SLC7A11: variants seen among roughly 807,000 people sequenced by gnomAD.
SLC7A11 encodes cystine/glutamate transporter.
SLC7A11 carries 35 observed loss-of-function variants against 54.5 expected under a neutral mutation model. The ratio of observed to expected loss-of-function variants is 0.64; its 90% confidence interval spans 0.49 to 0.85. The LOEUF is 0.85. Among genes scored for constraint, SLC7A11 ranks in the 40% least tolerant of loss-of-function variants. The pLI is 0.00. For synonymous variants in SLC7A11, 230 were observed against 225.2 expected (o/e 1.02, Z -0.19); for missense variants, 583 against 618.1 (o/e 0.94, Z 0.60).
intron 6 of SLC7A11, among the ~76,000 whole-genome samples, chr4:138,198,725 T>C (rs1353249996): frequency 2.6e-5 from 4 of 152,170 alleles, no homozygotes; most frequent in African/African-American, 9.6e-5. Flanking sequence ...GATTTATATA[T>C]GAAATGTATA....
chr4:138,197,018 A>T (rs1199279872), intron 6 of SLC7A11, among the ~76,000 whole-genome samples: 1 of 152,200 alleles, frequency 6.6e-6, no homozygotes. Flanking sequence ...TTAAAATTTG[A>T]TTCAAATATT....
At chr4:138,185,008 G>T in intron 7 of SLC7A11, 113 bp downstream of exon 7, 1 of 1,201,310 alleles carries the variant, frequency 8.3e-7, no homozygotes. Flanking sequence ...TATTATTCAG[G>T]TCAAGAAAAG....
At chr4:138,202,646 G>A (rs750584913) in intron 6 of SLC7A11, among the ~76,000 whole-genome samples, 5 of 152,020 alleles carry the variant, frequency 3.3e-5, no homozygotes, top group East Asian at 1.9e-4. Context: ...CTAGGTACTC[G>A]TGTGTCATCG....
At chr4:138,219,493 C>T (rs998194505) in intron 4 of SLC7A11, 128 bp from the exon 5 acceptor site, 1 of 621,354 alleles carries the variant, frequency 1.6e-6, no homozygotes. Context: ...CTGTTGATTA[C>T]CATCTTTATC....
At chr4:138,196,701 C>G (rs980569383) in intron 6 of SLC7A11, among the ~76,000 whole-genome samples, 4 of 151,588 alleles carry the variant, frequency 2.6e-5, no homozygotes, top group African/African-American at 9.7e-5. Flanking sequence ...CTCTTGTCAC[C>G]CGGGCGGGAG....
chr4:138,216,141 G>A (rs989463916), intron 5 of SLC7A11, among the ~76,000 whole-genome samples: 1 of 152,138 alleles, frequency 6.6e-6, no homozygotes, highest in Non-Finnish European at 1.5e-5. Flanking sequence ...TCTAGCGAAT[G>A]CTCATAAGAT....
At chr4:138,217,025 C>T (rs150371115) in intron 5 of SLC7A11, among the ~76,000 whole-genome samples, 67 of 152,264 alleles carry the variant, frequency 4.4e-4, no homozygotes, top group African/African-American at 1.5e-3. Flanking sequence ...CAGATAATAA[C>T]TTTTCCTCTA....
chr4:138,190,159 G>T (rs1014641189), intron 6 of SLC7A11, among the ~76,000 whole-genome samples: 5 of 151,988 alleles, frequency 3.3e-5, no homozygotes, highest in African/African-American at 7.2e-5. Flanking sequence ...ACCTACATTT[G>T]TGTGTTCTGG....
At position 138,236,417 on chromosome 4, in the gene SLC7A11, T is replaced by A; in HGVS notation, c.312A>T (p.Ile104=). The A allele has an allele frequency of 1.2e-6, 2 of 1,612,624 alleles. No individual in the cohort carries two copies. Among genetic ancestry groups the A allele is most frequent in the Admixed American group, 1.7e-5 (1 of 59,838 alleles). The stretch of plus-strand genomic sequence containing the variant: ...ATGTGTAATGACCTCCAGATTTCTT[T>A]ATAGTTGTTCCCAATTCAGCATAAG... ...ALSYAELGTT[I]KKSGGHYTYI... The change falls in exon 2 of 12, where the codon ATA becomes ATT. Residue 104 remains isoleucine (I), a synonymous_variant. Coordinates refer to ENST00000280612, the MANE Select transcript of SLC7A11 (RefSeq NM_014331.4).
In SLC7A11 at chr4:138,214,593, G is replaced by T; in HGVS notation, c.783C>A (p.Asn261Lys). 4 of 1,445,302 alleles carry T rather than the reference G, an allele frequency of 2.8e-6. No individual in the cohort carries two copies. Among genetic ancestry groups the T allele is most frequent in the South Asian group, 1.4e-5 (1 of 73,496 alleles). The allele number at this position is 1,445,302 out of a possible 1,614,324, so 89.5% of individuals were successfully genotyped here. The change falls in exon 6 of 12, where the codon AAC becomes AAA. Residue 261 changes from asparagine (N) to lysine (K), a missense_variant. Physicochemically the swap from Asn to Lys is moderately conservative, Grantham distance 94 (BLOSUM62 0). Transcript: ENST00000280612. ...TACATCTGGCTACTTACTTTTCAGG[G>T]TTTTCTACTTCTTCAGTAACAAAGT... ...YLNFVTEEVE[N>K]PEKTIPLAIC...
Position 138,183,310 on chromosome 4 carries a change from T to C in SLC7A11, c.916-5A>G, listed in dbSNP as rs937240517. On this transcript the variant is annotated splice_polypyrimidine_tract_variant and splice_region_variant and intron_variant, in intron 7 of 11. Coordinates refer to ENST00000280612, the MANE Select transcript of SLC7A11 (RefSeq NM_014331.4). ...CAGTAGCCGCTCAGAAAAGGTCTAG[T>C]GAAAGAAAGAACGAAGCAAATTAAT... 6 of 1,600,750 alleles carry C rather than the reference T, an allele frequency of 3.7e-6. No individual in the cohort carries two copies. Among genetic ancestry groups the C allele is most frequent in the Non-Finnish European group, 5.1e-6 (6 of 1,170,134 alleles).
chr4:138,235,895 C>T (rs1738195993), intron 2 of SLC7A11, among the ~76,000 whole-genome samples: 1 of 152,182 alleles, frequency 6.6e-6, no homozygotes, highest in South Asian at 2.1e-4. Context: ...AGTTGTGAGG[C>T]ACAGAAGTGT....
At chr4:138,211,187 A>C (rs1737539272) in intron 6 of SLC7A11, among the ~76,000 whole-genome samples, 1 of 151,908 alleles carries the variant, frequency 6.6e-6, no homozygotes. Context: ...GGAGGTAAAC[A>C]TTGGGTACTC....
At chr4:138,231,033 C>T (rs1244351938) in intron 3 of SLC7A11, among the ~76,000 whole-genome samples, 1 of 152,008 alleles carries the variant, frequency 6.6e-6, no homozygotes, top group African/African-American at 2.4e-5. Context: ...TCTTTGCTGC[C>T]AGTAACATGG....
intron 1 of SLC7A11, 40 bp downstream of exon 1, chr4:138,241,753 C>T (rs773242995): frequency 6.7e-7 from 1 of 1,485,658 alleles, no homozygotes; most frequent in Non-Finnish European, 9.4e-7. Flanking sequence ...GCTTTCCAGC[C>T]CCACAGCCAC....
At chr4:138,221,022 G>A (rs1401445987) in intron 4 of SLC7A11, among the ~76,000 whole-genome samples, 2 of 152,060 alleles carry the variant, frequency 1.3e-5, no homozygotes, top group African/African-American at 4.8e-5. Context: ...TGTCCTTCCA[G>A]GAGAAAAATA....
rs77568143 is a variant in SLC7A11, at chr4:138,182,027, C to G, written c.1116+270G>C. ...GAGGTGCTATGTCAATGAGAGGAGC[C>G]AAGCCAATCATTTTCCTTAGACCTT... is the stretch of plus-strand genomic sequence containing the variant. On this transcript the variant is annotated intron_variant, in intron 9 of 11. Transcript: ENST00000280612. 3.9e-3 allele frequency among the ~76,000 whole-genome samples: 587 copies of G among 152,000 alleles called. 2 individuals carry two copies. Among genetic ancestry groups the G allele is most frequent in the African/African-American group, 0.014 (570 of 41,478 alleles).
At position 138,223,353 on chromosome 4, in the gene SLC7A11, G is replaced by A. The variant is rs772618599; in HGVS notation, c.521-29C>T. On this transcript the variant is annotated intron_variant, in intron 3 of 11. Transcript: ENST00000280612. The stretch of plus-strand genomic sequence containing the variant: ...CAAACAAATAGAGGAAGTTACAAAA[G>A]GTGAATTCTCACTGGCACAAAGACA... 2.5e-6 allele frequency: 4 copies of A among 1,609,432 alleles called. No homozygotes were observed. In the Admixed American group the frequency reaches 6.7e-5, roughly 27 times the overall value.
At chr4:138,205,102 A>G (rs1172953054) in intron 6 of SLC7A11, among the ~76,000 whole-genome samples, 1 of 152,020 alleles carries the variant, frequency 6.6e-6, no homozygotes, top group Non-Finnish European at 1.5e-5. Context: ...CATGAGAACT[A>G]TAATATAGGG....
Sources: allele counts gnomAD v4.1 joint callset (sites outside exome capture counted in the v4.1 genomes callset), GRCh38; gene constraint gnomAD v4.1.1; transcripts MANE v1.5; gene names NCBI Gene and HGNC (gene_info 2026-07-23, HGNC 2026-07-21).